The following FRMPD3 variants were observed in gnomAD, a reference collection of about 807,000 sequenced individuals.
FRMPD3 encodes the protein FERM and PDZ domain-containing protein 3.
FRMPD3 carries 42 observed loss-of-function variants against 97.9 expected under a neutral mutation model. The ratio of observed to expected loss-of-function variants is 0.43; its 90% CI spans 0.34 to 0.55. The LOEUF (loss-of-function observed/expected upper bound fraction) is 0.55. FRMPD3 is among the 20% of genes least tolerant of loss of function. The pLI, the probability that FRMPD3 is intolerant of heterozygous loss-of-function variation, is 0.03. For synonymous variants in FRMPD3, 577 were observed against 581.1 expected (o/e 0.99, Z 0.10); for missense variants, 1,303 against 1,457.7 (o/e 0.89, Z 1.73).
intron 12 of FRMPD3, among the ~76,000 whole-genome samples, chrX:107,566,819 C>T (rs749611191): frequency 4.5e-5 from 5 of 112,290 alleles, no homozygotes; most frequent in Non-Finnish European, 9.4e-5. Context: ...ATTACCAGAG[C>T]TCTGGGAGGA....
chrX:107,490,514 G>A (rs955039843), intron 1 of FRMPD3, among the ~76,000 whole-genome samples: 2 of 110,951 alleles, frequency 1.8e-5, no homozygotes, highest in African/African-American at 6.6e-5. Flanking sequence ...TTATTTCATT[G>A]AGCAGTGGTT....
chrX:107,595,933 G>T (rs188351593), intron 13 of FRMPD3, among the ~76,000 whole-genome samples: 1 of 97,824 alleles, frequency 1.0e-5, no homozygotes, highest in African/African-American at 4.0e-5. Context: ...GTGAGACTCC[G>T]TCTCAAAAAA....
In FRMPD3 at chrX:107,598,169, T is replaced by C. The variant is rs780783482; in HGVS notation, c.2263+27T>C. ...TAATGACCGATTCCTTCTCCCTCTT[T>C]CCACCCCCTTCTCTTGTCCAACAAG... On this transcript the variant is annotated intron_variant, in intron 14 of 14. Coordinates refer to ENST00000683843, the MANE Select transcript of FRMPD3 (RefSeq NM_001388459.1). The C allele has an allele frequency of 4.4e-6, 5 of 1,135,893 alleles. No individual in the cohort carries two copies. In the South Asian group the frequency reaches 7.8e-5, roughly 18 times the overall value. The allele number at this position is 1,135,893 out of a possible 1,213,427, so 93.6% of individuals were successfully genotyped here.
intron 1 of FRMPD3, among the ~76,000 whole-genome samples, chrX:107,457,094 C>A (rs1176681021): frequency 9.1e-6 from 1 of 110,456 alleles, no homozygotes; most frequent in Non-Finnish European, 1.9e-5. Flanking sequence ...AGGCTTTGAG[C>A]CTGCATAACC....
intron 12 of FRMPD3, among the ~76,000 whole-genome samples, chrX:107,572,188 C>T (rs753374988): frequency 8.9e-6 from 1 of 112,045 alleles, no homozygotes; most frequent in East Asian, 2.8e-4. Flanking sequence ...TTTATGGCAG[C>T]TTGTTGGGTG....
At chrX:107,464,969 G>C (rs773904743) in intron 1 of FRMPD3, among the ~76,000 whole-genome samples, 6 of 111,751 alleles carry the variant, frequency 5.4e-5, no homozygotes, top group Admixed American at 2.8e-4. Flanking sequence ...GCACAATAAA[G>C]AAGTGACTCG....
chrX:107,450,269 G>T (rs1931258062), intron 1 of FRMPD3, among the ~76,000 whole-genome samples: 1 of 111,349 alleles, frequency 9.0e-6, no homozygotes, highest in African/African-American at 3.3e-5. Context: ...GCGGGGTGAG[G>T]AGTCGAGCGC....
Position 107,597,832 on chromosome X carries a change from G to A in FRMPD3, c.1953G>A (p.Glu651=), listed in dbSNP as rs757597114. The A allele has an allele frequency of 5.9e-5, 70 of 1,177,655 alleles. No individual in the cohort carries two copies. The South Asian group carries it at 1.2e-3, about 20-fold the overall frequency. Residue 651 remains glutamate (E), a synonymous_variant, in exon 14 of 15, where the codon GAG becomes GAA. Transcript: ENST00000683843. ...CCCTCCCACCACCTGGGAGTGAGGA[G>A]GAGGAGGAGGAGGAAGATGAGACAA... The part of the protein sequence containing the change: ...LMSLPPPGSE[E]EEEEEDETTS...
intron 1 of FRMPD3, among the ~76,000 whole-genome samples, chrX:107,480,912 GAAAGAAA>G (rs1921345550): frequency 1.0e-5 from 1 of 97,831 alleles, no homozygotes; most frequent in Admixed American, 1.1e-4. Context: ...AAGAAAGAAA[GAAAGAAA>G]GAAAGAAAGA....
At chrX:107,528,543 A>G (rs748982989) in intron 2 of FRMPD3, among the ~76,000 whole-genome samples, 150 of 112,542 alleles carry the variant, frequency 1.3e-3, no homozygotes, top group African/African-American at 4.3e-3. Flanking sequence ...TGTCCCTTGG[A>G]TGGTATAATA....
intron 12 of FRMPD3, among the ~76,000 whole-genome samples, chrX:107,565,729 TAAAG>T (rs1005644328): frequency 9.3e-6 from 1 of 107,035 alleles, no homozygotes; most frequent in Non-Finnish European, 1.9e-5. Context: ...AAAGTAATAA[TAAAG>T]AAAGAAAAGA....
In FRMPD3 at chrX:107,542,488, C is replaced by T. The variant is rs1485245854; in HGVS notation, c.298-3249C>T. Among the ~76,000 whole-genome samples, 12 of 111,611 alleles carry T rather than the reference C, an allele frequency of 1.1e-4. No individual in the cohort carries two copies. The Admixed American group carries it at 1.1e-3, about 11-fold the overall frequency. On this transcript the variant is annotated intron_variant, in intron 4 of 14. Transcript: ENST00000683843. ...TGATGTAATTGGTCTGTGGTGGGCC[C>T]TGGGCTTCAGGATTTTTAAAAGCTC...
rs758441148 is a variant in FRMPD3, at chrX:107,481,846, A to G, written c.-8+31841A>G. On this transcript the variant is annotated intron_variant, in intron 1 of 14. Transcript: ENST00000683843. ...AAGCAAGGGTTAATGCAGTGTAGTT[A>G]TAACACATGAATGTAGGTGGGAGAT... Among the ~76,000 whole-genome samples the G allele has an allele frequency of 2.7e-5, 3 of 112,560 alleles. No individual in the cohort carries two copies. In the South Asian group the frequency reaches 1.1e-3, roughly 42 times the overall value.
chrX:107,591,852 T>C (rs1923919425), intron 13 of FRMPD3, among the ~76,000 whole-genome samples: 1 of 112,210 alleles, frequency 8.9e-6, no homozygotes, highest in Non-Finnish European at 1.9e-5. Context: ...AAGCACATCA[T>C]GGGGAATGGG....
chrX:107,560,078 T>G (rs1339236470), intron 8 of FRMPD3, among the ~76,000 whole-genome samples, 179 bp from the exon 9 acceptor site: 16 of 104,598 alleles, frequency 1.5e-4, no homozygotes, highest in Admixed American at 1.2e-3. Context: ...GTGAACAGTG[T>G]CTATGAGACC....
At chrX:107,531,952 T>G (rs140739407) in intron 3 of FRMPD3, among the ~76,000 whole-genome samples, 1,645 of 111,823 alleles carry the variant, frequency 0.015, 13 homozygotes, top group Non-Finnish European at 0.022. Flanking sequence ...CATTCATTCA[T>G]TCAGTCAGTC....
chrX:107,466,036 C>G (rs906826881), intron 1 of FRMPD3, among the ~76,000 whole-genome samples: 2 of 112,262 alleles, frequency 1.8e-5, no homozygotes, highest in Non-Finnish European at 3.8e-5. Context: ...GCTTCCAATA[C>G]TTATTTGACT....
Position 107,603,653 on chromosome X carries a change from A to T in FRMPD3, c.*280A>T, listed in dbSNP as rs1423483655. ...TCTGCTCACAGCAGAGCTGTATTTT[A>T]TCTCTTCTCTGGGGCTGAGAGGTGA... On this transcript the variant is annotated 3_prime_UTR_variant, in exon 15 of 15. Transcript: ENST00000683843. The T allele has an allele frequency of 3.4e-6, 1 of 290,459 alleles. No individual in the cohort carries two copies. The highest frequency in any genetic ancestry group is 5.8e-6 in the Non-Finnish European group (1 of 173,370). 23.9% of individuals were successfully genotyped at this position (290,459 alleles called of 1,213,427 possible). A position where few individuals can be genotyped will look rare whatever the true frequency, so the allele number is the denominator to read the frequency against.
intron 1 of FRMPD3, among the ~76,000 whole-genome samples, chrX:107,484,579 T>G (rs1921456619): frequency 8.9e-6 from 1 of 112,106 alleles, no homozygotes; most frequent in Non-Finnish European, 1.9e-5. Context: ...GCGTCATCGC[T>G]GGCTCCAGCT....
Sources: allele counts gnomAD v4.1 joint callset (sites outside exome capture counted in the v4.1 genomes callset), GRCh38; gene constraint gnomAD v4.1.1; transcripts MANE v1.5; gene names NCBI Gene and HGNC (gene_info 2026-07-23, HGNC 2026-07-21).